Variants in SOCS4 observed in about 807,000 individuals in gnomAD.
SOCS4 encodes the protein suppressor of cytokine signaling 4.
SOCS4 carries 20 observed loss-of-function variants against 34.1 expected under a neutral mutation model. The ratio of observed to expected loss-of-function variants is 0.59; its 90% CI spans 0.41 to 0.85. The LOEUF is 0.85. SOCS4 is among the 40% of genes least tolerant of loss of function. SOCS4 has a pLI of 0.00. For missense variants in SOCS4, 479 were observed against 532.4 expected (o/e 0.90, Z 0.99); for synonymous variants, 180 against 186.4 (o/e 0.97, Z 0.28).
In SOCS4 at chr14:55,047,433, T is replaced by G. The variant is rs1428302010; in HGVS notation, c.*3069T>G. Reference sequence around the variant, plus strand: ...GGACTTTTTAAGGTTCCTTTAGCATTTTTGTATAGAGTTATATGTGATCTT... The same window carrying G: ...GGACTTTTTAAGGTTCCTTTAGCATGTTTGTATAGAGTTATATGTGATCTT... On this transcript the variant is annotated 3_prime_UTR_variant, in exon 3 of 3. Transcript: ENST00000555846. 1.8e-5 allele frequency: 3 copies of G among 167,056 alleles called. No individual in the cohort carries two copies. In the Admixed American group the frequency reaches 2.0e-4, roughly 11 times the overall value. The allele number at this position is 167,056 out of a possible 1,614,324, so 10.3% of individuals were successfully genotyped here.
chr14:55,048,113 G>A lies in SOCS4; in HGVS notation c.*3749G>A, dbSNP rs2042693077. On this transcript the variant is annotated 3_prime_UTR_variant, in exon 3 of 3. Coordinates refer to ENST00000555846, the MANE Select transcript of SOCS4 (RefSeq NM_199421.2). ...TTTTTGTATTTTTAGTAGCGATGGTGTTTCACTACATTGGCCAGGCTGGTC... is the reference window on the plus strand; with the variant it reads ...TTTTTGTATTTTTAGTAGCGATGGTATTTCACTACATTGGCCAGGCTGGTC... The A allele has an allele frequency of 1.2e-5, 2 of 164,958 alleles. No individual in the cohort carries two copies. The highest frequency in any genetic ancestry group is 4.1e-4 in the South Asian group (2 of 4,834). 10.2% of individuals were successfully genotyped at this position (164,958 alleles called of 1,614,324 possible). A position where few individuals can be genotyped will look rare whatever the true frequency, so the allele number is the denominator to read the frequency against.
At chr14:55,037,571 G>A (rs2042584442) in intron 2 of SOCS4, among the ~76,000 whole-genome samples, 2 of 150,820 alleles carry the variant, frequency 1.3e-5, no homozygotes, top group South Asian at 2.1e-4. Flanking sequence ...TCGGCTCACT[G>A]CAACCTCCGC....
At chr14:55,038,446 T>C (rs979673877) in intron 2 of SOCS4, among the ~76,000 whole-genome samples, 2 of 152,166 alleles carry the variant, frequency 1.3e-5, no homozygotes, top group African/African-American at 4.8e-5. Context: ...ATTGGAGGAT[T>C]CCCAGCTATC....
rs1046758335 is a variant in SOCS4 at position 55,043,646 on chromosome 14, A to G, written c.605A>G (p.Asn202Ser). 4.3e-6 allele frequency: 7 copies of G among 1,614,076 alleles called. No individual in the cohort carries two copies. The highest frequency in any genetic ancestry group is 1.1e-5 in the South Asian group (1 of 91,090). The change falls in exon 3 of 3, where the codon AAT becomes AGT. Residue 202 changes from asparagine (N) to serine (S), a missense_variant. Physicochemically the swap from Asn to Ser is conservative, Grantham distance 46. Transcript: ENST00000555846. ...CAGCCCTGTGTCATAACCACCGACA[A>G]TGCTTTGTGTAGAGAAGGTCCTATG... ...NVQPCVITTD[N>S]ALCREGPMTG...
In SOCS4 at chr14:55,045,555, C is replaced by A. The variant is rs1952085; in HGVS notation, c.*1191C>A. 71,572 of 166,634 alleles carry A rather than the reference C, an allele frequency of 0.43. 16,530 individuals carry two copies. Among genetic ancestry groups the A allele is most frequent in the African/African-American group, 0.59 (24,515 of 41,452 alleles). 10.3% of individuals were successfully genotyped at this position (166,634 alleles called of 1,614,324 possible). The stretch of plus-strand genomic sequence containing the variant: ...CTTTTGACAGCTACATGACTTACAC[C>A]ATACAGAACAGTACTGGACAAAAGG... On this transcript the variant is annotated 3_prime_UTR_variant, in exon 3 of 3. Transcript: ENST00000555846.
intron 2 of SOCS4, among the ~76,000 whole-genome samples, chr14:55,036,585 C>G (rs1339615340): frequency 6.6e-6 from 1 of 152,036 alleles, no homozygotes; most frequent in African/African-American, 2.4e-5. Context: ...CTCAGGTGAT[C>G]CACCCGTCTC....
At position 55,044,813 on chromosome 14, in the gene SOCS4, A is replaced by G. The variant is rs2140250708; in HGVS notation, c.*449A>G. ...CCATTAGTAGTATTATATATAAAAT[A>G]TAGTTCCCCGTCCCCCTTTTCATTG... On this transcript the variant is annotated 3_prime_UTR_variant, in exon 3 of 3. Coordinates refer to ENST00000555846, the MANE Select transcript of SOCS4 (RefSeq NM_199421.2). The G allele has an allele frequency of 6.0e-6, 1 of 167,348 alleles. No homozygotes were observed. Among genetic ancestry groups the G allele is most frequent in the African/African-American group, 2.4e-5 (1 of 41,590 alleles). 10.4% of individuals were successfully genotyped at this position (167,348 alleles called of 1,614,324 possible).
intron 2 of SOCS4, among the ~76,000 whole-genome samples, chr14:55,036,708 T>C (rs1401407898): frequency 6.6e-6 from 1 of 152,204 alleles, no homozygotes; most frequent in Non-Finnish European, 1.5e-5. Flanking sequence ...GTTGTTGTTT[T>C]CTGTGAAATG....
At position 55,045,882 on chromosome 14, in the gene SOCS4, CATT is replaced by C. The variant is rs1397396586; in HGVS notation, c.*1522_*1524del. ...TTCCAAGTTAGAACAAATATTTCTTCATTATTGTTGCTTTTATGTGAGTAGCAT... is the reference window on the plus strand; with the variant it reads ...TTCCAAGTTAGAACAAATATTTCTTCATTGTTGCTTTTATGTGAGTAGCAT... On this transcript the variant is annotated 3_prime_UTR_variant, in exon 3 of 3. Coordinates refer to ENST00000555846, the MANE Select transcript of SOCS4 (RefSeq NM_199421.2). 8.4e-5 allele frequency: 14 copies of C among 166,886 alleles called. No homozygotes were observed. The highest frequency in any genetic ancestry group is 3.4e-4 in the African/African-American group (14 of 41,424). 10.3% of individuals were successfully genotyped at this position (166,886 alleles called of 1,614,324 possible).
chr14:55,037,620 A>G (rs181180741), intron 2 of SOCS4, among the ~76,000 whole-genome samples: 343 of 151,830 alleles, frequency 2.3e-3, no homozygotes, highest in Non-Finnish European at 3.9e-3. Context: ...CAGCCGCCCA[A>G]GTAGCTGGGA....
Position 55,031,254 on chromosome 14 carries a change from G to A in SOCS4, c.-219-609G>A, listed in dbSNP as rs141515257. On this transcript the variant is annotated intron_variant, in intron 1 of 2. Transcript: ENST00000555846. Reference sequence around the variant, plus strand: ...CGTAGTTTCTGCTTTCTTCACTCTAGATTAGCCCCTTCAGTGATGGGTTCC... The same window carrying A: ...CGTAGTTTCTGCTTTCTTCACTCTAAATTAGCCCCTTCAGTGATGGGTTCC... 3.9e-5 allele frequency among the ~76,000 whole-genome samples: 6 copies of A among 152,180 alleles called. 1 individual carries two copies. The East Asian group carries it at 1.2e-3, about 29-fold the overall frequency.
intron 2 of SOCS4, among the ~76,000 whole-genome samples, chr14:55,032,768 A>ATTC (rs1236882001): frequency 9.0e-6 from 1 of 110,838 alleles, no homozygotes; most frequent in African/African-American, 4.8e-5. Flanking sequence ...CCACCTTATT[A>ATTC]TTATTCTACC....
chr14:55,034,661 G>A (rs912582842), intron 2 of SOCS4, among the ~76,000 whole-genome samples: 18 of 151,634 alleles, frequency 1.2e-4, no homozygotes, highest in African/African-American at 3.6e-4. Context: ...GTGAAACCCC[G>A]TCTCTACTAA....
chr14:55,028,320 G>A (rs77808847), intron 1 of SOCS4, among the ~76,000 whole-genome samples: 2,395 of 152,060 alleles, frequency 0.016, 58 homozygotes, highest in South Asian at 0.046. Context: ...AAGAATGATT[G>A]GCTTAAAAAC....
Position 55,046,029 on chromosome 14 carries a change from A to AT in SOCS4, c.*1675dup, listed in dbSNP as rs984713223. The AT allele has an allele frequency of 9.8e-3, 1,577 of 161,408 alleles. 12 individuals are homozygous for AT. The highest frequency in any genetic ancestry group is 0.021 in the Middle Eastern group (6 of 290). 10.0% of individuals were successfully genotyped at this position (161,408 alleles called of 1,614,324 possible). On this transcript the variant is annotated 3_prime_UTR_variant, in exon 3 of 3. Coordinates refer to ENST00000555846, the MANE Select transcript of SOCS4 (RefSeq NM_199421.2). ...ATCTCTATTACCGTTATCTTTTAGC[A>AT]TTTTTTTTTTCCTCAGTGATCTCAA... is the stretch of plus-strand genomic sequence containing the variant.
rs1167129644 is a variant in SOCS4, at chr14:55,048,049, T to G, written c.*3685T>G. The stretch of plus-strand genomic sequence containing the variant: ...CAATTCTCCTACCTCAGCTCCCAAG[T>G]AGCTGAGATGACAGGCGTGTGCCAC... On this transcript the variant is annotated 3_prime_UTR_variant, in exon 3 of 3. Transcript: ENST00000555846. The G allele has an allele frequency of 1.2e-5, 2 of 163,030 alleles. No homozygotes were observed. The highest frequency in any genetic ancestry group is 4.8e-5 in the African/African-American group (2 of 41,470). The allele number at this position is 163,030 out of a possible 1,614,324, so 10.1% of individuals were successfully genotyped here.
chr14:55,042,651 A>G (rs918472768), intron 2 of SOCS4, among the ~76,000 whole-genome samples: 17 of 152,204 alleles, frequency 1.1e-4, no homozygotes, highest in African/African-American at 3.4e-4. Context: ...ACTAGAAACT[A>G]TTCACATTTG....
At chr14:55,036,816 T>C (rs1158189623) in intron 2 of SOCS4, among the ~76,000 whole-genome samples, 1 of 152,126 alleles carries the variant, frequency 6.6e-6, no homozygotes, top group Non-Finnish European at 1.5e-5. Context: ...AACTTTTCTA[T>C]TGAATATTTT....
At chr14:55,038,482 G>A (rs997463375) in intron 2 of SOCS4, among the ~76,000 whole-genome samples, 1 of 152,070 alleles carries the variant, frequency 6.6e-6, no homozygotes, top group Non-Finnish European at 1.5e-5. Context: ...TTTCTCTTTG[G>A]CCATTCTCTT....
Sources: gnomAD v4.1 joint callset for allele counts (sites outside exome capture counted in the v4.1 genomes callset) on GRCh38, gnomAD v4.1.1 for gene constraint, MANE v1.5 for transcripts, NCBI Gene and HGNC (gene_info 2026-07-23, HGNC 2026-07-21) for gene names.